Variants in CD83 observed in about 807,000 individuals in gnomAD.
CD83 encodes CD83 molecule.
In CD83, 22 loss-of-function variants were observed where a neutral mutation model predicts 24.6. The observed-to-expected ratio is 0.90, with a 90% CI of 0.64 to 1.28. CD83 has a LOEUF of 1.28. Among genes scored for constraint, CD83 ranks in the 50% most tolerant of loss-of-function variants. CD83 has a pLI of 0.00. For missense variants in CD83, 253 were observed against 252.8 expected, an observed-to-expected ratio of 1.00 and a Z score of -0.01; for synonymous variants, 101 against 103.5, an observed-to-expected ratio of 0.98 and a Z score of 0.14.
At chr6:14,120,945 G>A (rs1212687866) in intron 2 of CD83, among the ~76,000 whole-genome samples, 1 of 152,114 alleles carries the variant, frequency 6.6e-6, no homozygotes, top group Admixed American at 6.5e-5. Flanking sequence ...GGACTTAATA[G>A]ACACATGTGC....
chr6:14,121,986 C>T (rs1242634574), intron 2 of CD83, among the ~76,000 whole-genome samples: 2 of 152,128 alleles, frequency 1.3e-5, no homozygotes, highest in East Asian at 1.9e-4. Context: ...GGAGCCCTGA[C>T]AGCCTATGGG....
intron 2 of CD83, among the ~76,000 whole-genome samples, chr6:14,118,535 A>G (rs2113383337): frequency 6.6e-6 from 1 of 152,294 alleles, no homozygotes; most frequent in Admixed American, 6.5e-5. Context: ...TTGAAAGGAA[A>G]GGCTAAGACA....
At chr6:14,118,638 C>G (rs1027424811) in intron 2 of CD83, among the ~76,000 whole-genome samples, 3 of 152,230 alleles carry the variant, frequency 2.0e-5, no homozygotes, top group Non-Finnish European at 4.4e-5. Context: ...CCCTCCTCCT[C>G]CTTCCTCTGG....
intron 2 of CD83, 150 bp from the exon 3 acceptor site, chr6:14,131,370 T>A: frequency 1.6e-6 from 1 of 621,096 alleles, no homozygotes; most frequent in South Asian, 2.0e-5. Context: ...AGATCTTTCC[T>A]CCCCCAGAGG....
In CD83 at chr6:14,131,765, C is replaced by G; in HGVS notation, c.382+17C>G. ...GAGTGACAGGTGAGGTGACCTGCTG[C>G]ACTTGTTTTCTTCTTGAACAATGCA... On this transcript the variant is annotated intron_variant, in intron 3 of 4. Coordinates refer to ENST00000379153, the MANE Select transcript of CD83 (RefSeq NM_004233.4). 6.5e-7 allele frequency: 1 copy of G among 1,541,756 alleles called. No individual in the cohort carries two copies. The highest frequency in any genetic ancestry group is 9.0e-7 in the Non-Finnish European group (1 of 1,114,298).
At chr6:14,117,590 ACGGGGG>A (rs1410242424), upstream of CD83, 16 of 68,692 alleles carry the variant, frequency 2.3e-4, no homozygotes, top group East Asian at 2.3e-3. This position sits in a 1 kb window ranked among gnomAD's most constrained non-coding sequence, Gnocchi z 4.6. Context: ...GGCGGGTGCG[ACGGGGG>A]CGGGGACGGG....
intron 2 of CD83, among the ~76,000 whole-genome samples, chr6:14,119,985 A>G (rs1032541281): frequency 1.3e-5 from 2 of 152,214 alleles, no homozygotes; most frequent in Non-Finnish European, 2.9e-5. Flanking sequence ...TCGGTAACGC[A>G]TGAGCTTGTT....
At chr6:14,126,644 G>GA (rs1035739532) in intron 2 of CD83, among the ~76,000 whole-genome samples, 1 of 152,080 alleles carries the variant, frequency 6.6e-6, no homozygotes, top group Non-Finnish European at 1.5e-5. Context: ...ACTACGCATA[G>GA]AAAAAAAGAT....
intron 2 of CD83, among the ~76,000 whole-genome samples, 197 bp from the exon 3 acceptor site, chr6:14,131,321 CCT>C (rs1299244209): frequency 6.6e-6 from 1 of 152,160 alleles, no homozygotes; most frequent in Non-Finnish European, 1.5e-5. Flanking sequence ...GAGATGTAGT[CCT>C]GATATATTCC....
intron 2 of CD83, among the ~76,000 whole-genome samples, chr6:14,122,253 G>C (rs1160162241): frequency 6.6e-6 from 1 of 152,194 alleles, no homozygotes; most frequent in Admixed American, 6.5e-5. Flanking sequence ...GAAACTGTTG[G>C]AGAGCAGGTT....
intron 4 of CD83, among the ~76,000 whole-genome samples, chr6:14,133,979 A>T (rs1356977530): frequency 1.3e-5 from 2 of 152,290 alleles, no homozygotes; most frequent in African/African-American, 2.4e-5. Flanking sequence ...GTGGAAAAAA[A>T]AAACAAAGTA....
rs762721471 is a variant in CD83 at position 14,131,649 on chromosome 6, C to T, written c.283C>T (p.Arg95Ter). 8.1e-6 allele frequency: 13 copies of T among 1,614,092 alleles called. No homozygotes were observed. Among genetic ancestry groups the T allele is most frequent in the Non-Finnish European group, 1.0e-5 (12 of 1,180,006 alleles). Residue 95 changes from arginine (R) to a stop codon, truncating the protein, a stop_gained, in exon 3 of 5, where the codon CGA (arginine) becomes TGA (stop). Transcript: ENST00000379153. LOFTEE classifies it high-confidence loss of function. ...PNERPYSLKIRNTTSCNSGTY... is the reference protein window; with the variant it reads ...PNERPYSLKI ...TGAAAGGCCCTATTCCCTGAAGATC[C>T]GAAACACTACCAGCTGCAACTCGGG...
chr6:14,130,739 GA>G (rs1028042269), intron 2 of CD83, among the ~76,000 whole-genome samples: 1 of 151,896 alleles, frequency 6.6e-6, no homozygotes, highest in African/African-American at 2.4e-5. Flanking sequence ...TCTCAAAAAA[GA>G]AAAAAAGAAA....
chr6:14,117,704 C>G, upstream of CD83: 1 of 789,966 alleles, frequency 1.3e-6, no homozygotes. This position sits in a 1 kb window ranked among gnomAD's most constrained non-coding sequence, Gnocchi z 4.6. Flanking sequence ...CCGGGGAATC[C>G]CCCGGGCTGG....
intron 3 of CD83, among the ~76,000 whole-genome samples, 168 bp from the exon 4 acceptor site, chr6:14,133,481 G>A (rs7750092): frequency 6.6e-5 from 10 of 152,328 alleles, no homozygotes; most frequent in Middle Eastern, 3.4e-3. Flanking sequence ...GACAGTGCGC[G>A]CCGGCTGCTG....
chr6:14,121,371 T>A (rs147778912), intron 2 of CD83, among the ~76,000 whole-genome samples: 61 of 151,604 alleles, frequency 4.0e-4, no homozygotes, highest in African/African-American at 1.4e-3. Flanking sequence ...GGGACAAGAT[T>A]TCAATACATT....
Position 14,118,182 on chromosome 6 carries a change from C to T in CD83, c.153+117C>T, listed in dbSNP as rs370839800. On this transcript the variant is annotated intron_variant, in intron 2 of 4. Coordinates refer to ENST00000379153, the MANE Select transcript of CD83 (RefSeq NM_004233.4). ...TGCCAGGTGGGGGCGAGGGGCGTCTCCCGCAGCTGAACTTGGAGTACCCAG... is the reference window on the plus strand; with the variant it reads ...TGCCAGGTGGGGGCGAGGGGCGTCTTCCGCAGCTGAACTTGGAGTACCCAG... 170 of 668,450 alleles carry T rather than the reference C, an allele frequency of 2.5e-4. No homozygotes were observed. In the African/African-American group the frequency reaches 2.8e-3, roughly 11 times the overall value. The allele number at this position is 668,450 out of a possible 1,614,324, so 41.4% of individuals were successfully genotyped here.
In CD83 at chr6:14,123,751, G is replaced by GAAAAA. The variant is rs10647098; in HGVS notation, c.153+5700_153+5704dup. On this transcript the variant is annotated intron_variant, in intron 2 of 4. Transcript: ENST00000379153. ...GAAGAAAGCAGCTGAGAGTTAAATT[G>GAAAAA]AAAAAAAAAAAAAAAAAAGCTAAAC... Among the ~76,000 whole-genome samples, 173 of 103,344 alleles carry GAAAAA rather than the reference G, an allele frequency of 1.7e-3. 2 individuals are homozygous for GAAAAA. The highest frequency in any genetic ancestry group is 2.4e-3 in the Non-Finnish European group (123 of 50,792). The allele number at this position is 103,344 out of a possible 152,430, so 67.8% of individuals were successfully genotyped here.
chr6:14,133,852 T>TGA (rs1757982948), intron 4 of CD83, 97 bp downstream of exon 4: 1 of 757,506 alleles, frequency 1.3e-6, no homozygotes, highest in African/African-American at 1.8e-5. Context: ...TTAATAATGG[T>TGA]GAGAGAGATT....
Sources: gnomAD v4.1 joint callset for allele counts (sites outside exome capture counted in the v4.1 genomes callset) on GRCh38, gnomAD v4.1.1 for gene constraint, Gnocchi (gnomAD v3.1) non-coding constraint, MANE v1.5 for transcripts, NCBI Gene and HGNC (gene_info 2026-07-23, HGNC 2026-07-21) for gene names.